Variants in MEGF9 observed in about 807,000 individuals in gnomAD.
MEGF9 encodes the protein multiple epidermal growth factor-like domains protein 9.
A neutral mutation model predicts 46.8 loss-of-function variants in MEGF9; 6 were observed. The observed-to-expected ratio is 0.13, with a 90% CI of 0.07 to 0.25. The LOEUF (loss-of-function observed/expected upper bound fraction) is 0.25, where lower values mean the gene tolerates loss of function less well. MEGF9 is among the 10% of genes least tolerant of loss of function. The pLI, the probability that MEGF9 is intolerant of heterozygous loss-of-function variation, is 1.00. For missense variants in MEGF9, 683 were observed against 792.4 expected, an observed-to-expected ratio of 0.86 and a Z score of 1.66; for synonymous variants, 302 against 330.7, an observed-to-expected ratio of 0.91 and a Z score of 0.94.
chr9:120,623,616 A>G (rs2043511435), intron 2 of MEGF9, among the ~76,000 whole-genome samples: 1 of 152,228 alleles, frequency 6.6e-6, no homozygotes, highest in African/African-American at 2.4e-5. Context: ...TGAATCTATG[A>G]ATCTTAAGTA....
intron 3 of MEGF9, among the ~76,000 whole-genome samples, chr9:120,615,163 CGGAA>C (rs1564412418): frequency 6.7e-6 from 1 of 150,362 alleles, no homozygotes; most frequent in Non-Finnish European, 1.5e-5. Context: ...CACTTGAATC[CGGAA>C]AGCAGAGGTT....
chr9:120,690,855 T>A (rs2043845058), intron 1 of MEGF9, among the ~76,000 whole-genome samples: 1 of 151,948 alleles, frequency 6.6e-6, no homozygotes, highest in South Asian at 2.1e-4. Flanking sequence ...AAGAAGAAAT[T>A]AGGTAATCAA....
At chr9:120,662,627 C>T (rs956199671) in intron 1 of MEGF9, among the ~76,000 whole-genome samples, 1 of 152,228 alleles carries the variant, frequency 6.6e-6, no homozygotes, top group African/African-American at 2.4e-5. Flanking sequence ...ATAATAGTAG[C>T]TATACCACTC....
chr9:120,605,049 T>A lies in MEGF9; in HGVS notation c.*141A>T. The A allele has an allele frequency of 1.3e-6, 1 of 771,970 alleles. No homozygotes were observed. Among genetic ancestry groups the A allele is most frequent in the Non-Finnish European group, 2.0e-6 (1 of 488,844 alleles). The allele number at this position is 771,970 out of a possible 1,614,324, so 47.8% of individuals were successfully genotyped here. A position where few individuals can be genotyped will look rare whatever the true frequency, so the allele number is the denominator to read the frequency against. On this transcript the variant is annotated 3_prime_UTR_variant, in exon 6 of 6. Coordinates refer to ENST00000373930, the MANE Select transcript of MEGF9 (RefSeq NM_001080497.3). This position sits in a 1 kb window ranked among gnomAD's most constrained non-coding sequence, Gnocchi z 4.0. ...AGAGCAATAGATAGGCTAAGCGCAT[T>A]ACAAATTTGTACCTGAAAATTTCAG...
At position 120,714,264 on chromosome 9, in the gene MEGF9, ACGGCGGCGGCGGCGG is replaced by A. The variant is rs369989873; in HGVS notation, c.80_94del (p.Ala27_Ala31del). On this transcript the variant is annotated inframe_deletion, in exon 1 of 6. Coordinates refer to ENST00000373930, the MANE Select transcript of MEGF9 (RefSeq NM_001080497.3). ...ATTCCCCGCCGAGGCGGCTGAGGCG[ACGGCGGCGGCGGCGG>A]CGGCGGCGGCGCAGCACAACAGGGC... 7.3e-6 allele frequency: 9 copies of A among 1,238,376 alleles called. No individual in the cohort carries two copies. Among genetic ancestry groups the A allele is most frequent in the East Asian group, 6.7e-5 (2 of 30,018 alleles). The allele number at this position is 1,238,376 out of a possible 1,614,324, so 76.7% of individuals were successfully genotyped here.
intron 2 of MEGF9, among the ~76,000 whole-genome samples, chr9:120,651,333 T>C (rs552239793): frequency 5.9e-5 from 9 of 152,208 alleles, no homozygotes; most frequent in East Asian, 3.8e-4. Flanking sequence ...CTCACTCTCT[T>C]TGCTCAATAT....
chr9:120,691,304 G>C, intron 1 of MEGF9: 1 of 304,598 alleles, frequency 3.3e-6, no homozygotes, highest in Non-Finnish European at 6.8e-6. Flanking sequence ...GTGATAGTTG[G>C]TTGTGCAGGT....
At chr9:120,657,023 C>A (rs2043680481) in intron 2 of MEGF9, among the ~76,000 whole-genome samples, 1 of 152,164 alleles carries the variant, frequency 6.6e-6, no homozygotes, top group Admixed American at 6.5e-5. Flanking sequence ...CCATATAAAC[C>A]AGGCGTGGGT....
chr9:120,622,417 C>CTTTTTTTTTTTTTTTTTTTTTTTT (rs59380409), intron 3 of MEGF9, among the ~76,000 whole-genome samples, 199 bp downstream of exon 3: 5 of 101,184 alleles, frequency 4.9e-5, no homozygotes, highest in Non-Finnish European at 9.8e-5. Flanking sequence ...AGGTATATGA[C>CTTTTTTTTTTTTTTTTTTTTTTTT]TTTTTTTTTT....
intron 1 of MEGF9, among the ~76,000 whole-genome samples, chr9:120,675,652 G>GC (rs1258497644): frequency 1.1e-5 from 1 of 89,176 alleles, no homozygotes; most frequent in Non-Finnish European, 2.9e-5. Context: ...ACTTTGGGAG[G>GC]CCGAGGGGGG....
chr9:120,637,372 T>C (rs534056254), intron 2 of MEGF9, among the ~76,000 whole-genome samples: 8 of 151,678 alleles, frequency 5.3e-5, no homozygotes, highest in Admixed American at 5.3e-4. Context: ...TATCGTCCTA[T>C]GACCCTGCCA....
At chr9:120,664,713 T>C (rs1440248959) in intron 1 of MEGF9, among the ~76,000 whole-genome samples, 1 of 152,136 alleles carries the variant, frequency 6.6e-6, no homozygotes, top group Non-Finnish European at 1.5e-5. Flanking sequence ...AAGCATAGAT[T>C]ACTAGAAGAC....
At chr9:120,620,014 C>T (rs2043491289) in intron 3 of MEGF9, among the ~76,000 whole-genome samples, 1 of 152,160 alleles carries the variant, frequency 6.6e-6, no homozygotes, top group African/African-American at 2.4e-5. Flanking sequence ...ATTTTAAATA[C>T]AGTATTTGCA....
intron 1 of MEGF9, among the ~76,000 whole-genome samples, chr9:120,703,495 G>A (rs377423329): frequency 4.6e-5 from 7 of 152,144 alleles, no homozygotes; most frequent in African/African-American, 7.2e-5. Context: ...TAAATGACAC[G>A]ATGTACGTAA....
intron 1 of MEGF9, among the ~76,000 whole-genome samples, chr9:120,702,411 T>C (rs2043909720): frequency 6.6e-6 from 1 of 152,236 alleles, no homozygotes; most frequent in Non-Finnish European, 1.5e-5. Flanking sequence ...ATGTTATTCA[T>C]TTATTTTTAA....
chr9:120,621,546 C>T (rs773741554), intron 3 of MEGF9, among the ~76,000 whole-genome samples: 15 of 152,082 alleles, frequency 9.9e-5, no homozygotes, highest in Admixed American at 4.6e-4. Context: ...TGACATTTTG[C>T]CTCTCTTCAC....
chr9:120,710,212 T>C (rs886145833), intron 1 of MEGF9, among the ~76,000 whole-genome samples: 1 of 151,838 alleles, frequency 6.6e-6, no homozygotes, highest in Non-Finnish European at 1.5e-5. Context: ...ACAGATCACC[T>C]GAGGTCGGGA....
chr9:120,698,491 A>C (rs7849566), intron 1 of MEGF9, among the ~76,000 whole-genome samples: 104,688 of 152,092 alleles, frequency 0.69, 36,226 homozygotes, highest in South Asian at 0.75. Context: ...ATTGTTACTA[A>C]CCTGCACCTT....
chr9:120,689,150 C>T (rs764703335), intron 1 of MEGF9, among the ~76,000 whole-genome samples: 7 of 152,130 alleles, frequency 4.6e-5, no homozygotes, highest in Non-Finnish European at 1.0e-4. Flanking sequence ...CATTATGGTA[C>T]ATGTGTTTGC....
Sources: gnomAD v4.1 joint callset for allele counts (sites outside exome capture counted in the v4.1 genomes callset) on GRCh38, gnomAD v4.1.1 for gene constraint, Gnocchi (gnomAD v3.1) non-coding constraint, MANE v1.5 for transcripts, NCBI Gene and HGNC (gene_info 2026-07-23, HGNC 2026-07-21) for gene names.